KMT2E: variants seen among roughly 807,000 people sequenced by gnomAD.
KMT2E encodes the protein lysine methyltransferase 2E (inactive).
KMT2E carries 30 observed loss-of-function variants against 184.6 expected under a neutral mutation model. The ratio of observed to expected loss-of-function variants is 0.16; its 90% confidence interval spans 0.12 to 0.22. The LOEUF (loss-of-function observed/expected upper bound fraction) is 0.22, where lower values mean the gene tolerates loss of function less well. Among genes scored for constraint, KMT2E ranks in the 10% least tolerant of loss-of-function variants. KMT2E has a pLI of 1.00. For synonymous variants in KMT2E, 815 were observed against 776.5 expected (o/e 1.05, Z -0.82); for missense variants, 2,023 against 2,237.4 (o/e 0.90, Z 1.93).
chr7:105,099,246 G>A (rs548938985), intron 15 of KMT2E, among the ~76,000 whole-genome samples: 2 of 152,332 alleles, frequency 1.3e-5, no homozygotes, highest in African/African-American at 4.8e-5. Flanking sequence ...AGTAATGTAG[G>A]AAGAGTTTTG....
chr7:105,063,067 A>G (rs527698565), intron 4 of KMT2E, among the ~76,000 whole-genome samples: 9 of 139,256 alleles, frequency 6.5e-5, no homozygotes, highest in Admixed American at 4.4e-4. Flanking sequence ...AGGTGGAGCT[A>G]TGTATGTGAC....
chr7:105,065,813 A>G (rs1797003564), intron 5 of KMT2E, among the ~76,000 whole-genome samples: 1 of 152,196 alleles, frequency 6.6e-6, no homozygotes, highest in African/African-American at 2.4e-5. Context: ...GTAGTTATAT[A>G]TTAGAAGTAG....
Position 105,019,860 on chromosome 7 carries a change from A to C in KMT2E, c.-189+5325A>C, listed in dbSNP as rs184183317. Among the ~76,000 whole-genome samples the C allele has an allele frequency of 1.2e-4, 19 of 152,254 alleles. No individual in the cohort carries two copies. In the East Asian group the frequency reaches 3.7e-3, roughly 29 times the overall value. ...GGTGGCTCATACCTGTAATTTCACT[A>C]CTTTGGGAGGCCGAGGCAGGCGGAT... On this transcript the variant is annotated intron_variant, in intron 1 of 26. Transcript: ENST00000311117.
intron 1 of KMT2E, among the ~76,000 whole-genome samples, chr7:105,015,789 C>T (rs1794692886): frequency 6.6e-6 from 1 of 152,050 alleles, no homozygotes; most frequent in Non-Finnish European, 1.5e-5. Flanking sequence ...AAAGACTGGG[C>T]TGTTTTTCCT....
rs189404628 is a variant in KMT2E at position 105,080,086 on chromosome 7, A to G, written c.1248+1123A>G. Reference sequence around the variant, plus strand: ...GGTCTGGAGCTCCTGTGTTCAAGCAATCCTCCTGCCTCGGCCTCCCTAAAT... The same window carrying G: ...GGTCTGGAGCTCCTGTGTTCAAGCAGTCCTCCTGCCTCGGCCTCCCTAAAT... On this transcript the variant is annotated intron_variant, in intron 12 of 26. Transcript: ENST00000311117. Among the ~76,000 whole-genome samples the G allele has an allele frequency of 2.7e-3, 405 of 152,144 alleles. 1 individual carries two copies. The highest frequency in any genetic ancestry group is 7.1e-3 in the Admixed American group (109 of 15,280).
intron 2 of KMT2E, among the ~76,000 whole-genome samples, chr7:105,040,179 TTACA>T (rs1795820274): frequency 6.6e-6 from 1 of 152,200 alleles, no homozygotes; most frequent in Non-Finnish European, 1.5e-5. Flanking sequence ...ATAGTTTCCC[TTACA>T]TACAGATGCA....
chr7:105,066,632 A>T, intron 5 of KMT2E, 95 bp from the exon 6 acceptor site: 1 of 924,758 alleles, frequency 1.1e-6, no homozygotes. Context: ...AGCTCAAAGT[A>T]GGTGCTTATT....
Position 105,090,066 on chromosome 7 carries a change from A to T in KMT2E, c.1416A>T (p.Lys472Asn), listed in dbSNP as rs1200984873. 5.0e-6 allele frequency: 8 copies of T among 1,613,730 alleles called. No individual in the cohort carries two copies. Among genetic ancestry groups the T allele is most frequent in the Non-Finnish European group, 8.5e-7 (1 of 1,179,924 alleles). Residue 472 changes from lysine (K) to asparagine (N), a missense_variant, in exon 14 of 27, where the codon AAA (lysine) becomes AAT (asparagine). By Grantham distance (94) the Lys-to-Asn change is moderately conservative. This residue lies in a region of KMT2E where 514 missense variants were observed against 621.8 expected (regional missense o/e 0.83). Transcript: ENST00000311117. ...AAAACCCAGAGTGCCCTGTTCTAAA[A>T]CGTAGTTCTGAATCCATGGAAAATA... ...LKENPECPVL[K>N]RSSESMENIN...
intron 1 of KMT2E, among the ~76,000 whole-genome samples, chr7:105,016,128 C>T (rs1262942775): frequency 6.6e-6 from 1 of 152,096 alleles, no homozygotes; most frequent in Admixed American, 6.5e-5. Flanking sequence ...AGACATTTCC[C>T]AACCACCTCT....
At chr7:105,071,242 T>C (rs1396354488) in intron 6 of KMT2E, among the ~76,000 whole-genome samples, 1 of 152,184 alleles carries the variant, frequency 6.6e-6, no homozygotes, top group Non-Finnish European at 1.5e-5. Flanking sequence ...TAGAGTTGTT[T>C]TGGTTCTTTT....
rs138764543 is a variant in KMT2E at position 105,082,526 on chromosome 7, C to G, written c.1358+729C>G. ...AGGAAGATACAATATATTTACTGTTCATTAAGTGGAAGTGGATTATCGTAA... is the reference window on the plus strand; with the variant it reads ...AGGAAGATACAATATATTTACTGTTGATTAAGTGGAAGTGGATTATCGTAA... On this transcript the variant is annotated intron_variant, in intron 13 of 26. Transcript: ENST00000311117. Among the ~76,000 whole-genome samples the G allele has an allele frequency of 5.6e-4, 85 of 152,082 alleles. 3 individuals are homozygous for G. Among genetic ancestry groups the G allele is most frequent in the East Asian group, 2.1e-3 (11 of 5,170 alleles).
intron 3 of KMT2E, among the ~76,000 whole-genome samples, chr7:105,044,459 G>A (rs1187406175): frequency 1.3e-5 from 2 of 152,064 alleles, no homozygotes; most frequent in African/African-American, 4.8e-5. Context: ...ACAGATATGG[G>A]CACTGAGACC....
At chr7:105,073,255 G>A (rs1458479958) in intron 6 of KMT2E, among the ~76,000 whole-genome samples, 7 of 151,814 alleles carry the variant, frequency 4.6e-5, no homozygotes, top group East Asian at 1.9e-4. Context: ...AAATTAGCCC[G>A]GCATGATGGT....
chr7:105,017,379 C>G (rs1794757913), intron 1 of KMT2E, among the ~76,000 whole-genome samples: 1 of 143,414 alleles, frequency 7.0e-6, no homozygotes, highest in Non-Finnish European at 1.5e-5. Context: ...TGCTTTATTG[C>G]TTTAGGTTTT....
At chr7:105,064,804 A>G (rs961038200) in intron 5 of KMT2E, among the ~76,000 whole-genome samples, 9 of 152,120 alleles carry the variant, frequency 5.9e-5, no homozygotes, top group Non-Finnish European at 1.3e-4. Flanking sequence ...CTTTCCTCAT[A>G]GTAGAAAATG....
chr7:105,061,212 C>G (rs763824420), intron 3 of KMT2E, among the ~76,000 whole-genome samples: 2 of 151,514 alleles, frequency 1.3e-5, no homozygotes, highest in Non-Finnish European at 2.9e-5. Context: ...CTGCTAGTCT[C>G]ATGACTAATC....
At chr7:105,047,106 C>T (rs1429221597) in intron 3 of KMT2E, among the ~76,000 whole-genome samples, 2 of 152,220 alleles carry the variant, frequency 1.3e-5, no homozygotes, top group Non-Finnish European at 2.9e-5. Context: ...TTAATTTCTT[C>T]AGCAATGAAT....
At chr7:105,034,319 A>G (rs75042215) in intron 1 of KMT2E, among the ~76,000 whole-genome samples, 44 of 152,144 alleles carry the variant, frequency 2.9e-4, no homozygotes, top group African/African-American at 8.9e-4. Flanking sequence ...TGTAATCTCA[A>G]ACTCCTAGGC....
Position 105,112,748 on chromosome 7 carries a change from T to C in KMT2E, c.4992T>C (p.Pro1664=), listed in dbSNP as rs144871720. ...HVVGPVHAVT[P]GSHIHSQTAG... ...TAGGGCCTGTTCATGCGGTCACCCC[T>C]GGGTCGCATATTCATTCTCAAACTG... is the stretch of plus-strand genomic sequence containing the variant. The change falls in exon 27 of 27, where the codon CCT becomes CCC. Residue 1664 remains proline (P), a synonymous_variant. Transcript: ENST00000311117. The C allele has an allele frequency of 2.7e-4, 432 of 1,613,600 alleles. No individual in the cohort carries two copies. The highest frequency in any genetic ancestry group is 3.3e-4 in the Non-Finnish European group (388 of 1,179,970).
Sources: gnomAD v4.1 joint callset for allele counts (sites outside exome capture counted in the v4.1 genomes callset) on GRCh38, gnomAD v4.1.1 for gene constraint, gnomAD v4.1.1 regional missense constraint, MANE v1.5 for transcripts, NCBI Gene and HGNC (gene_info 2026-07-23, HGNC 2026-07-21) for gene names.